Variants in ANK2 observed in about 807,000 individuals in gnomAD.
ANK2 encodes the protein ankyrin 2, also known as ankyrin-2.
A neutral mutation model predicts 360.5 loss-of-function variants in ANK2; 83 were observed. The ratio of observed to expected loss-of-function variants is 0.23; its 90% CI spans 0.19 to 0.28. The LOEUF (loss-of-function observed/expected upper bound fraction) is 0.28. Ranked by LOEUF, ANK2 falls within the 10% of genes least tolerant of loss-of-function variation. ANK2 has a pLI of 1.00. For missense variants in ANK2, 4,201 were observed against 4,795.7 expected (o/e 0.88, Z 3.66); for synonymous variants, 1,740 against 1,759.5 (o/e 0.99, Z 0.28).
chr4:113,358,533 T>G lies in ANK2; in HGVS notation c.9915T>G (p.Pro3305=), dbSNP rs753252376. Residue 3305 remains proline (P), a synonymous_variant, in exon 38 of 46, where the codon CCT becomes CCG. Transcript: ENST00000357077. The stretch of plus-strand genomic sequence containing the variant: ...TTACTGAAAGCAAATCCAAAATTCC[T>G]GTAAGGACTATGCCCACTTCCACCC... ...VPFTESKSKI[P]VRTMPTSTPA... 20 of 1,613,976 alleles carry G rather than the reference T, an allele frequency of 1.2e-5. No individual in the cohort carries two copies. The highest frequency in any genetic ancestry group is 1.7e-5 in the Admixed American group (1 of 59,994).
intron 1 of ANK2, among the ~76,000 whole-genome samples, chr4:112,899,708 T>C (rs762151879): frequency 2.2e-4 from 33 of 152,182 alleles, no homozygotes; most frequent in Admixed American, 3.9e-4. Flanking sequence ...TCCATCCCTG[T>C]AGCCAGAGCA....
At chr4:113,214,471 G>A (rs971741742) in intron 4 of ANK2, 1 of 672,630 alleles carries the variant, frequency 1.5e-6, no homozygotes, top group Admixed American at 2.3e-5. Flanking sequence ...AAACAATCTG[G>A]AAAAATCTAC....
rs2099062248 is a variant in ANK2, at chr4:113,214,342, C to T, written c.384+15233C>T. On this transcript the variant is annotated intron_variant, in intron 4 of 45. Transcript: ENST00000357077. ...CAGTTAGTGCAGCGAATAGGCTGCA[C>T]GTGGCCGCGGCCCTTTTTGGCACGA... 3.0e-5 allele frequency: 26 copies of T among 860,318 alleles called. 2 individuals carry two copies. The highest frequency in any genetic ancestry group is 2.2e-4 in the Middle Eastern group (1 of 4,468). The allele number at this position is 860,318 out of a possible 1,614,324, so 53.3% of individuals were successfully genotyped here. A position where few individuals can be genotyped will look rare whatever the true frequency, so the allele number is the denominator to read the frequency against.
In ANK2 at chr4:113,258,402, C is replaced by T; in HGVS notation, c.1377C>T (p.Val459=). ...LLLQNGASPD[V]TNIRGETALH... ...TGCAGAACGGAGCCTCTCCAGATGT[C>T]ACTAACATTGTGAGTATGGCTTGGG... The change falls in exon 13 of 46, where the codon GTC becomes GTT. Residue 459 remains valine (V), a synonymous_variant. Coordinates refer to ENST00000357077, the MANE Select transcript of ANK2 (RefSeq NM_001148.6). 1 of 1,613,664 alleles carries T rather than the reference C, an allele frequency of 6.2e-7. No homozygotes were observed. Among genetic ancestry groups the T allele is most frequent in the Non-Finnish European group, 8.5e-7 (1 of 1,179,582 alleles).
At chr4:112,783,632 T>A in the ANK2 span, among the ~76,000 whole-genome samples, 2 of 107,112 alleles carry the variant, frequency 1.9e-5, no homozygotes, top group African/African-American at 3.5e-5. Context: ...TGATATATTA[T>A]TTATTTATTT....
At chr4:112,767,631 G>T in the ANK2 span, among the ~76,000 whole-genome samples, 10 of 152,002 alleles carry the variant, frequency 6.6e-5, no homozygotes, top group African/African-American at 2.4e-4. Flanking sequence ...CCCTAGGCCC[G>T]CTAGGCTTTG....
In ANK2 at chr4:113,356,902, C is replaced by T. The variant is rs1210534446; in HGVS notation, c.8284C>T (p.Leu2762=). ...GGCTGAAGACAGGTCTTATGATAAGCTAAACAGAGACACTGATCAGCCAAA... is the reference window on the plus strand; with the variant it reads ...GGCTGAAGACAGGTCTTATGATAAGTTAAACAGAGACACTGATCAGCCAAA... The part of the protein sequence containing the change: ...TEAEDRSYDK[L]NRDTDQPKIC... The change falls in exon 38 of 46, where the codon CTA becomes TTA. Residue 2762 remains leucine (L), a synonymous_variant. Transcript: ENST00000357077. 6.2e-7 allele frequency: 1 copy of T among 1,614,034 alleles called. No individual in the cohort carries two copies. Among genetic ancestry groups the T allele is most frequent in the African/African-American group, 1.3e-5 (1 of 75,036 alleles).
intron 2 of ANK2, among the ~76,000 whole-genome samples, chr4:112,928,350 T>C (rs1284184213): frequency 6.6e-6 from 1 of 151,584 alleles, no homozygotes; most frequent in East Asian, 1.9e-4. Flanking sequence ...CTATAAAAAA[T>C]AGTATGATAC....
At chr4:113,375,297 A>G (rs1020300978) in intron 45 of ANK2, among the ~76,000 whole-genome samples, 5 of 152,232 alleles carry the variant, frequency 3.3e-5, no homozygotes, top group African/African-American at 1.2e-4. Context: ...AAGACATTGC[A>G]AATTATATTT....
chr4:113,054,332 C>T (rs142551468), intron 1 of ANK2, among the ~76,000 whole-genome samples: 101 of 151,992 alleles, frequency 6.6e-4, no homozygotes, highest in Non-Finnish European at 1.4e-3. Context: ...TACACACACA[C>T]ACACACACAT....
chr4:113,093,758 C>T (rs575057092), intron 1 of ANK2, among the ~76,000 whole-genome samples: 1 of 152,290 alleles, frequency 6.6e-6, no homozygotes, highest in East Asian at 1.9e-4. Flanking sequence ...GTGATATATG[C>T]CTGAATCATT....
chr4:113,156,206 T>G (rs563087452), intron 1 of ANK2, among the ~76,000 whole-genome samples: 2 of 152,264 alleles, frequency 1.3e-5, no homozygotes, highest in South Asian at 4.1e-4. Flanking sequence ...TGATAATCTA[T>G]CCATAGACTA....
At chr4:113,050,197 T>G (rs2066307344) in intron 1 of ANK2, among the ~76,000 whole-genome samples, 1 of 152,198 alleles carries the variant, frequency 6.6e-6, no homozygotes, top group Admixed American at 6.5e-5. Context: ...GGCAGATTTT[T>G]GGCCAGATGC....
chr4:113,133,516 T>G (rs1313621176), intron 1 of ANK2, among the ~76,000 whole-genome samples: 1 of 152,106 alleles, frequency 6.6e-6, no homozygotes, highest in Non-Finnish European at 1.5e-5. Flanking sequence ...GATGCCAGAT[T>G]CCAAATCCCA....
chr4:113,093,316 A>G (rs1266079289), intron 1 of ANK2, among the ~76,000 whole-genome samples: 1 of 152,114 alleles, frequency 6.6e-6, no homozygotes, highest in East Asian at 1.9e-4. Context: ...TCCCAAATCC[A>G]TTATTTATAT....
chr4:113,334,760 A>G (rs2093243121), intron 29 of ANK2, among the ~76,000 whole-genome samples: 1 of 92,108 alleles, frequency 1.1e-5, no homozygotes, highest in Admixed American at 1.1e-4. Context: ...TAATTAATCT[A>G]TTACTAGAAA....
chr4:113,172,411 ATAAAT>A (rs1267363739), intron 1 of ANK2, among the ~76,000 whole-genome samples: 1 of 152,258 alleles, frequency 6.6e-6, no homozygotes, highest in African/African-American at 2.4e-5. Context: ...ACTGATAAAC[ATAAAT>A]TAAATCTCAG....
At chr4:112,861,869 A>AGAGAGAGAGAGAGAGAGAGAGAGAGAGAG (rs773734914) in intron 1 of ANK2, among the ~76,000 whole-genome samples, 1 of 69,210 alleles carries the variant, frequency 1.4e-5, no homozygotes, top group African/African-American at 5.4e-5. Flanking sequence ...GAGAGAGAGA[A>AGAGAGAGAGAGAGAGAGAGAGAGAGAGAG]ACTCTCACAG....
chr4:112,996,611 A>G (rs575741659), intron 2 of ANK2, among the ~76,000 whole-genome samples: 3 of 152,056 alleles, frequency 2.0e-5, no homozygotes, highest in South Asian at 2.1e-4. Flanking sequence ...TAATTTTTAA[A>G]TTTTGTGGGT....
Sources: gnomAD v4.1 joint callset for allele counts (sites outside exome capture counted in the v4.1 genomes callset) on GRCh38, gnomAD v4.1.1 for gene constraint, MANE v1.5 for transcripts, NCBI Gene and HGNC (gene_info 2026-07-23, HGNC 2026-07-21) for gene names.